The following SDK2 variants were observed in gnomAD, a reference collection of about 807,000 sequenced individuals.
The protein encoded by SDK2 is protein sidekick-2.
Under a neutral mutation model 253.9 loss-of-function variants are expected in SDK2, and 105 were observed. The ratio of observed to expected loss-of-function variants is 0.41; its 90% CI spans 0.35 to 0.49. SDK2 has a LOEUF of 0.49. Ranked by LOEUF, SDK2 falls within the 20% of genes least tolerant of loss-of-function variation. SDK2 has a pLI of 0.06. For missense variants in SDK2, 2,608 were observed against 3,003.0 expected (o/e 0.87, Z 3.07); for synonymous variants, 1,249 against 1,234.9 (o/e 1.01, Z -0.24).
At chr17:73,402,200 C>T in intron 18 of SDK2, 59 bp from the exon 19 acceptor site, 1 of 1,548,418 alleles carries the variant, frequency 6.5e-7, no homozygotes, top group South Asian at 1.2e-5. Context: ...GAGGCCAAGC[C>T]CTCTCCCACA....
chr17:73,453,370 G>GTTTTTTTTT (rs34814268), intron 4 of SDK2, among the ~76,000 whole-genome samples: 2 of 141,226 alleles, frequency 1.4e-5, no homozygotes, highest in Non-Finnish European at 1.5e-5. Context: ...CTGAGCTGGG[G>GTTTTTTTTT]TTTTTTTTTT....
At chr17:73,532,431 G>A (rs187598515) in intron 1 of SDK2, among the ~76,000 whole-genome samples, 1 of 152,308 alleles carries the variant, frequency 6.6e-6, no homozygotes, top group East Asian at 1.9e-4. Flanking sequence ...GCAAACAGGA[G>A]GCCTGGGCTG....
chr17:73,416,084 A>T, intron 16 of SDK2, 92 bp from the exon 17 acceptor site: 1 of 1,214,766 alleles, frequency 8.2e-7, no homozygotes, highest in Non-Finnish European at 1.1e-6. Context: ...GTCCAATAGG[A>T]CTTCCGGTGG....
chr17:73,641,545 T>C (rs991952102), intron 1 of SDK2, among the ~76,000 whole-genome samples: 139 of 152,228 alleles, frequency 9.1e-4, no homozygotes, highest in African/African-American at 3.3e-3. Flanking sequence ...ATGTTAGCTT[T>C]CAGTATACCC....
intron 44 of SDK2, among the ~76,000 whole-genome samples, chr17:73,343,073 T>C (rs887383369): frequency 4.6e-5 from 7 of 152,316 alleles, no homozygotes; most frequent in South Asian, 2.1e-4. Flanking sequence ...GACAGAGGCA[T>C]GTCCGGACTG....
chr17:73,555,451 C>T (rs974291283), intron 1 of SDK2, among the ~76,000 whole-genome samples: 7 of 152,210 alleles, frequency 4.6e-5, no homozygotes, highest in Admixed American at 2.0e-4. Flanking sequence ...TCATCCTCGT[C>T]TCTATGTACT....
In SDK2 at chr17:73,495,742, T is replaced by A. The variant is rs56872201; in HGVS notation, c.224+11696A>T. 1.8e-3 allele frequency among the ~76,000 whole-genome samples: 276 copies of A among 152,006 alleles called. 1 individual carries two copies. Among genetic ancestry groups the A allele is most frequent in the African/African-American group, 6.3e-3 (261 of 41,480 alleles). On this transcript the variant is annotated intron_variant, in intron 2 of 44. Transcript: ENST00000392650. ...CCCGATCCTCAGGAGTGGGAGGAGCTGGCCTCAGGTCGGGAGAAGGACAGC... is the reference window on the plus strand; with the variant it reads ...CCCGATCCTCAGGAGTGGGAGGAGCAGGCCTCAGGTCGGGAGAAGGACAGC...
rs555447629 is a variant in SDK2 at position 73,431,601 on chromosome 17, G to A, written c.1381C>T (p.Leu461Phe). 4 of 1,613,632 alleles carry A rather than the reference G, an allele frequency of 2.5e-6. No individual in the cohort carries two copies. The South Asian group carries it at 3.3e-5, about 13-fold the overall frequency. ...RFTPLESGSL[L>F]ISPTHISDAG... ...TCGGAGATGTGTGTGGGGCTGATGA[G>A]GAGGCTGCCCGACTCCAGGGGTGTG... Residue 461 changes from leucine to phenylalanine, a missense_variant, in exon 11 of 45, where the codon CTC becomes TTC. Physicochemically the swap from Leu to Phe is conservative, Grantham distance 22. Coordinates refer to ENST00000392650, the MANE Select transcript of SDK2 (RefSeq NM_001144952.2). This position sits in a 1 kb window ranked among gnomAD's most constrained non-coding sequence, Gnocchi z 5.6.
chr17:73,338,265 C>A lies in SDK2; in HGVS notation c.*322G>T. ...CGGCCTCCAGTCCTTAGCCTCCGCT[C>A]CCTCTCTCTCTCCAGATGCCCGCCC... On this transcript the variant is annotated 3_prime_UTR_variant, in exon 45 of 45. Transcript: ENST00000392650. This position sits in a 1 kb window ranked among gnomAD's most constrained non-coding sequence, Gnocchi z 5.0. 2.0e-6 allele frequency: 1 copy of A among 497,138 alleles called. No homozygotes were observed. Among genetic ancestry groups the A allele is most frequent in the South Asian group, 1.6e-5 (1 of 61,706 alleles). 30.8% of individuals were successfully genotyped at this position (497,138 alleles called of 1,614,324 possible).
intron 3 of SDK2, among the ~76,000 whole-genome samples, chr17:73,456,297 G>A (rs2063525483): frequency 6.6e-6 from 1 of 152,190 alleles, no homozygotes; most frequent in Admixed American, 6.5e-5. Context: ...CAACCACCCT[G>A]AGAGGTTGGT....
At chr17:73,555,449 G>A (rs998537436) in intron 1 of SDK2, among the ~76,000 whole-genome samples, 20 of 152,206 alleles carry the variant, frequency 1.3e-4, no homozygotes, top group African/African-American at 4.6e-4. Flanking sequence ...GCTCATCCTC[G>A]TCTCTATGTA....
chr17:73,561,234 C>T (rs775051793), intron 1 of SDK2, among the ~76,000 whole-genome samples: 6 of 152,184 alleles, frequency 3.9e-5, no homozygotes, highest in African/African-American at 1.4e-4. Context: ...GAGACAATTA[C>T]GGGGTTGGTA....
At chr17:73,410,329 TTTGAGACAGAGTCTAGCTC>T (rs1326248294) in intron 18 of SDK2, among the ~76,000 whole-genome samples, 1 of 152,060 alleles carries the variant, frequency 6.6e-6, no homozygotes, top group Non-Finnish European at 1.5e-5. Context: ...GTTTGTTTGT[TTTGAGACAGAGTCTAGCTC>T]TGTCTCCCTG....
At chr17:73,562,232 C>T (rs935327102) in intron 1 of SDK2, among the ~76,000 whole-genome samples, 5 of 152,214 alleles carry the variant, frequency 3.3e-5, no homozygotes, top group Admixed American at 6.5e-5. Context: ...CACGCTCCAA[C>T]GGGGCTGCAA....
At chr17:73,538,406 A>G (rs1567830169) in intron 1 of SDK2, among the ~76,000 whole-genome samples, 1 of 152,148 alleles carries the variant, frequency 6.6e-6, no homozygotes. Flanking sequence ...CTCCTTTTAA[A>G]TGGATCATTT....
At chr17:73,369,544 G>A (rs956915406) in intron 36 of SDK2, among the ~76,000 whole-genome samples, 1 of 152,258 alleles carries the variant, frequency 6.6e-6, no homozygotes, top group Non-Finnish European at 1.5e-5. Context: ...TGGGGTCCGT[G>A]TGAGGGGTGC....
intron 1 of SDK2, among the ~76,000 whole-genome samples, chr17:73,606,323 C>T (rs1422472019): frequency 1.3e-5 from 2 of 151,754 alleles, no homozygotes; most frequent in African/African-American, 2.4e-5. Flanking sequence ...GGGCCCCCCT[C>T]CCGGAAAGAT....
intron 1 of SDK2, among the ~76,000 whole-genome samples, chr17:73,558,288 C>T (rs939092224): frequency 6.6e-6 from 1 of 152,198 alleles, no homozygotes; most frequent in Non-Finnish European, 1.5e-5. Flanking sequence ...CTAGCTCTGC[C>T]TAGGGTTCTG....
intron 1 of SDK2, among the ~76,000 whole-genome samples, chr17:73,555,922 G>A (rs1352095329): frequency 6.6e-6 from 1 of 152,190 alleles, no homozygotes; most frequent in African/African-American, 2.4e-5. Context: ...CAGGGAGTCA[G>A]CCCTCCTTGC....
Sources: gnomAD v4.1 joint callset for allele counts (sites outside exome capture counted in the v4.1 genomes callset) on GRCh38, gnomAD v4.1.1 for gene constraint, Gnocchi (gnomAD v3.1) non-coding constraint, MANE v1.5 for transcripts, NCBI Gene and HGNC (gene_info 2026-07-23, HGNC 2026-07-21) for gene names.